TMEM128: variants seen among roughly 807,000 people sequenced by gnomAD.
The protein encoded by TMEM128 is transmembrane protein 128.
TMEM128 carries 16 observed loss-of-function variants against 19.7 expected under a neutral mutation model. The observed-to-expected ratio is 0.81, with a 90% CI of 0.55 to 1.23. The LOEUF (loss-of-function observed/expected upper bound fraction) is 1.23. TMEM128 is among the 50% of genes most tolerant of loss of function. The pLI, the probability that TMEM128 is intolerant of heterozygous loss-of-function variation, is 0.00. For missense variants in TMEM128, 237 were observed against 200.8 expected (o/e 1.18, Z -1.09); for synonymous variants, 98 against 75.8 (o/e 1.29, Z -1.52).
intron 2 of TMEM128, among the ~76,000 whole-genome samples, chr4:4,242,966 G>T (rs991988826): frequency 4.6e-5 from 7 of 152,130 alleles, no homozygotes; most frequent in African/African-American, 9.7e-5. Context: ...GAGCATCTAG[G>T]ATTTTAATTT....
At chr4:4,246,470 G>A (rs1168870311) in intron 1 of TMEM128, 127 bp from the exon 2 acceptor site, 2 of 946,018 alleles carry the variant, frequency 2.1e-6, no homozygotes, top group South Asian at 2.1e-5. Context: ...AAATCCTTCT[G>A]TAAAACCCTT....
At chr4:4,242,131 T>C (rs896490544) in intron 2 of TMEM128, among the ~76,000 whole-genome samples, 1 of 152,046 alleles carries the variant, frequency 6.6e-6, no homozygotes, top group Admixed American at 6.6e-5. Context: ...TGGTCTCGAA[T>C]TCCTGACCTC....
Position 4,240,362 on chromosome 4 carries a change from C to CA in TMEM128, c.356dup (p.Leu119PhefsTer78), listed in dbSNP as rs754503165. The stretch of plus-strand genomic sequence containing the variant: ...TAAAGGAGGCAGTGGTAATGGGTAT[C>CA]AAGGCTGGATACTTGACATCATATT... On this transcript the variant is annotated frameshift_variant, in exon 3 of 5. Coordinates refer to ENST00000382753, the MANE Select transcript of TMEM128 (RefSeq NM_001297551.2). LOFTEE classifies it high-confidence loss of function. 2 of 1,613,950 alleles carry CA rather than the reference C, an allele frequency of 1.2e-6. No individual in the cohort carries two copies. The highest frequency in any genetic ancestry group is 1.7e-6 in the Non-Finnish European group (2 of 1,180,022).
In TMEM128 at chr4:4,246,240, G is replaced by A; in HGVS notation, c.201C>T (p.Asp67=). 6.2e-7 allele frequency: 1 copy of A among 1,610,874 alleles called. No homozygotes were observed. Among genetic ancestry groups the A allele is most frequent in the Non-Finnish European group, 8.5e-7 (1 of 1,178,948 alleles). ...LASIVVTYYV[D]FFKTLKENFH... is the part of the protein sequence containing the mutation. ...AGTTTTCTTTAAGGGTTTTAAAGAAGTCAACATAATAGGTCACAACAATGG... is the reference window on the plus strand; with the variant it reads ...AGTTTTCTTTAAGGGTTTTAAAGAAATCAACATAATAGGTCACAACAATGG... The change falls in exon 2 of 5, where the codon GAC becomes GAT. Residue 67 remains aspartate (D), a synonymous_variant. Coordinates refer to ENST00000382753, the MANE Select transcript of TMEM128 (RefSeq NM_001297551.2).
At chr4:4,241,740 G>A (rs1483229986) in intron 2 of TMEM128, among the ~76,000 whole-genome samples, 1 of 152,168 alleles carries the variant, frequency 6.6e-6, no homozygotes, top group African/African-American at 2.4e-5. Flanking sequence ...AGCAAGACTA[G>A]TTTTGTGACT....
intron 3 of TMEM128, among the ~76,000 whole-genome samples, chr4:4,239,743 G>A (rs1460931384): frequency 2.6e-5 from 4 of 152,172 alleles, no homozygotes; most frequent in Admixed American, 6.5e-5. Context: ...CACTGTTCCC[G>A]GCGACAATAT....
intron 2 of TMEM128, among the ~76,000 whole-genome samples, chr4:4,243,086 T>C (rs1408498860): frequency 6.6e-6 from 1 of 152,100 alleles, no homozygotes; most frequent in Non-Finnish European, 1.5e-5. Flanking sequence ...TATTTACTTA[T>C]TTAATTTTTT....
chr4:4,238,185 T>C (rs1050703438), intron 3 of TMEM128, among the ~76,000 whole-genome samples: 7 of 152,162 alleles, frequency 4.6e-5, no homozygotes, highest in African/African-American at 1.2e-4. Context: ...CTAATAGGGG[T>C]TGACATGGCT....
chr4:4,246,153 CG>C, intron 2 of TMEM128, 48 bp downstream of exon 2: 1 of 1,553,920 alleles, frequency 6.4e-7, no homozygotes, highest in Non-Finnish European at 8.7e-7. Context: ...AAATATAACA[CG>C]AAAAATCAGA....
Position 4,246,345 on chromosome 4 carries a change from T to C in TMEM128, c.98-2A>G, listed in dbSNP as rs1247962469. ...TTTTCTCAACAGCTGTGGAGGTTTCTGCAAATAAGGGAGATTTCAACTTAT... is the reference window on the plus strand; with the variant it reads ...TTTTCTCAACAGCTGTGGAGGTTTCCGCAAATAAGGGAGATTTCAACTTAT... On this transcript the variant is annotated splice_acceptor_variant, in intron 1 of 4. Coordinates refer to ENST00000382753, the MANE Select transcript of TMEM128 (RefSeq NM_001297551.2). LOFTEE classifies it high-confidence loss of function. 6.3e-7 allele frequency: 1 copy of C among 1,596,756 alleles called. No individual in the cohort carries two copies.
At chr4:4,243,364 G>A (rs1253533564) in intron 2 of TMEM128, among the ~76,000 whole-genome samples, 4 of 152,194 alleles carry the variant, frequency 2.6e-5, no homozygotes, top group Non-Finnish European at 1.5e-5. Flanking sequence ...TTACAGGCGT[G>A]AGCCACCGCG....
In TMEM128 at chr4:4,243,110, C is replaced by T. The variant is rs1362757845; in HGVS notation, c.240-2631G>A. On this transcript the variant is annotated intron_variant, in intron 2 of 4. Transcript: ENST00000382753. ...ATTTAATTTTTTTAAGACGGAGTCT[C>T]GCTCTGTCGCCCAGGCTGGAGTGCA... Among the ~76,000 whole-genome samples, 11 of 152,076 alleles carry T rather than the reference C, an allele frequency of 7.2e-5. No homozygotes were observed. In the South Asian group the frequency reaches 8.3e-4, roughly 12 times the overall value.
chr4:4,237,025 A>G (rs1717748596), intron 4 of TMEM128: 1 of 449,502 alleles, frequency 2.2e-6, no homozygotes, highest in Admixed American at 2.5e-5. Flanking sequence ...GTTATCCGAC[A>G]CTCAGAAAAC....
chr4:4,243,031 T>G (rs2108819341), intron 2 of TMEM128, among the ~76,000 whole-genome samples: 1 of 152,294 alleles, frequency 6.6e-6, no homozygotes, highest in Non-Finnish European at 1.5e-5. Context: ...CCGAGTATTT[T>G]AAACTGTGAT....
intron 1 of TMEM128, chr4:4,247,647 C>G: frequency 6.2e-7 from 1 of 1,614,184 alleles, no homozygotes; most frequent in South Asian, 1.1e-5. Flanking sequence ...CCACACTTCC[C>G]TTTGAAAATC....
Position 4,237,905 on chromosome 4 carries a change from C to G in TMEM128, c.429G>C (p.Ser143=). 6.3e-7 allele frequency: 1 copy of G among 1,590,430 alleles called. No homozygotes were observed. The highest frequency in any genetic ancestry group is 8.6e-7 in the Non-Finnish European group (1 of 1,167,272). The change falls in exon 4 of 5, where the codon TCG becomes TCC. Residue 143 remains serine, a synonymous_variant. Coordinates refer to ENST00000382753, the MANE Select transcript of TMEM128 (RefSeq NM_001297551.2). ...CFNIALWHVW[S]FFTPLLLFTQ... ...TAAACAACAACAATGGAGTGAAAAA[C>G]GACCACACATGCCATAAAGCAATGT... is the stretch of plus-strand genomic sequence containing the variant.
In TMEM128 at chr4:4,246,347, C is replaced by T; in HGVS notation, c.98-4G>A. 1 of 1,591,534 alleles carries T rather than the reference C, an allele frequency of 6.3e-7. No individual in the cohort carries two copies. The highest frequency in any genetic ancestry group is 8.5e-7 in the Non-Finnish European group (1 of 1,173,554). On this transcript the variant is annotated splice_region_variant and splice_polypyrimidine_tract_variant and intron_variant, in intron 1 of 4. Coordinates refer to ENST00000382753, the MANE Select transcript of TMEM128 (RefSeq NM_001297551.2). The stretch of plus-strand genomic sequence containing the variant: ...TTCTCAACAGCTGTGGAGGTTTCTG[C>T]AAATAAGGGAGATTTCAACTTATTA...
rs1256592212 is a variant in TMEM128 at position 4,240,252 on chromosome 4, G to C, written c.398+69C>G. 3.3e-6 allele frequency: 5 copies of C among 1,506,500 alleles called. No homozygotes were observed. The African/African-American group carries it at 7.0e-5, about 21-fold the overall frequency. The allele number at this position is 1,506,500 out of a possible 1,614,324, so 93.3% of individuals were successfully genotyped here. On this transcript the variant is annotated intron_variant, in intron 3 of 4. Coordinates refer to ENST00000382753, the MANE Select transcript of TMEM128 (RefSeq NM_001297551.2). ...TTTTTTCTTTCGAAGTTTGGACCAA[G>C]CATATCACTATCTGATCAAAAAAAA...
chr4:4,245,654 C>A lies in TMEM128; in HGVS notation c.239+548G>T, dbSNP rs151043253. ...TCCACTCTACTGTATGTGCCCAGAG[C>A]ACACACCCTCTCATTGGTTTTATTT... On this transcript the variant is annotated intron_variant, in intron 2 of 4. Transcript: ENST00000382753. Among the ~76,000 whole-genome samples the A allele has an allele frequency of 3.3e-3, 508 of 152,292 alleles. 5 individuals are homozygous for A. The highest frequency in any genetic ancestry group is 0.021 in the South Asian group (102 of 4,820).
Sources: gnomAD v4.1 joint callset for allele counts (sites outside exome capture counted in the v4.1 genomes callset) on GRCh38, gnomAD v4.1.1 for gene constraint, MANE v1.5 for transcripts, NCBI Gene and HGNC (gene_info 2026-07-23, HGNC 2026-07-21) for gene names.